The following TAF5L variants were observed in gnomAD, a reference collection of about 807,000 sequenced individuals.
TAF5L encodes TATA-box binding protein associated factor 5 like.
A neutral mutation model predicts 51.3 loss-of-function variants in TAF5L; 7 were observed. The ratio of observed to expected loss-of-function variants is 0.14; its 90% CI spans 0.08 to 0.26. The LOEUF (loss-of-function observed/expected upper bound fraction) is 0.26, where lower values mean the gene tolerates loss of function less well. TAF5L is among the 10% of genes least tolerant of loss of function. The probability of loss-of-function intolerance (pLI) is 1.00; values close to 1 mark genes in which losing one functional copy is unlikely to be tolerated. For synonymous variants in TAF5L, 291 were observed against 308.1 expected, an observed-to-expected ratio of 0.94 and a Z score of 0.58; for missense variants, 575 against 758.9, an observed-to-expected ratio of 0.76 and a Z score of 2.85.
chr1:229,613,718 T>TGG (rs1664873032), intron 2 of TAF5L, among the ~76,000 whole-genome samples: 2 of 152,238 alleles, frequency 1.3e-5, no homozygotes, highest in East Asian at 3.8e-4. Context: ...CCGTGGATTT[T>TGG]GGTATTCATG....
intron 2 of TAF5L, among the ~76,000 whole-genome samples, chr1:229,612,396 G>A (rs921783635): frequency 6.6e-5 from 10 of 152,136 alleles, no homozygotes; most frequent in Admixed American, 6.5e-4. Context: ...AAGGATGCAG[G>A]GCAGCAGATT....
At chr1:229,624,993 C>G (rs1665380957) in intron 1 of TAF5L, among the ~76,000 whole-genome samples, 1 of 152,150 alleles carries the variant, frequency 6.6e-6, no homozygotes, top group Non-Finnish European at 1.5e-5. Flanking sequence ...TCCGAGATTC[C>G]AATCTGCAAG....
intron 3 of TAF5L, chr1:229,606,943 T>C: frequency 1.0e-6 from 1 of 985,456 alleles, no homozygotes; most frequent in Non-Finnish European, 1.2e-6. Flanking sequence ...CCTAGTATCT[T>C]CCTTTGAGAT....
chr1:229,612,698 C>G (rs946960704), intron 2 of TAF5L, among the ~76,000 whole-genome samples: 1 of 152,194 alleles, frequency 6.6e-6, no homozygotes, highest in African/African-American at 2.4e-5. Context: ...ACTGTCCTAG[C>G]ACTCTCTTCC....
intron 3 of TAF5L, among the ~76,000 whole-genome samples, chr1:229,608,888 C>T (rs2102754923): frequency 6.6e-6 from 1 of 152,190 alleles, no homozygotes; most frequent in East Asian, 1.9e-4. Flanking sequence ...CTTGTGGTCC[C>T]AGCTACTCAG....
intron 1 of TAF5L, among the ~76,000 whole-genome samples, chr1:229,622,542 C>T (rs534982513): frequency 2.0e-5 from 3 of 151,866 alleles, no homozygotes; most frequent in East Asian, 1.9e-4. Flanking sequence ...TTTGAAATCA[C>T]GGGCAGATAG....
chr1:229,618,319 T>A (rs142040233), intron 1 of TAF5L, among the ~76,000 whole-genome samples: 16 of 152,358 alleles, frequency 1.1e-4, no homozygotes, highest in African/African-American at 3.4e-4. Context: ...TCAATTTATA[T>A]AAAATACTTA....
rs1467295898 is a variant in TAF5L at position 229,602,939 on chromosome 1, A to C, written c.248-20T>G. 5.7e-6 allele frequency: 9 copies of C among 1,566,530 alleles called. No individual in the cohort carries two copies. Among genetic ancestry groups the C allele is most frequent in the Admixed American group, 1.8e-5 (1 of 54,142 alleles). On this transcript the variant is annotated intron_variant, in intron 3 of 4. Transcript: ENST00000258281. The surrounding 1 kb of genome is among the most constrained non-coding windows in gnomAD (Gnocchi z 4.6). ...CAGAATCTATAATGAAAGAAAAAGA[A>C]GGCTTTATAATCAGCATAATCTTAC...
chr1:229,604,173 ATT>A (rs4006085), intron 3 of TAF5L, among the ~76,000 whole-genome samples: 7 of 144,922 alleles, frequency 4.8e-5, no homozygotes, highest in African/African-American at 7.7e-5. Context: ...TTCTGGTAGC[ATT>A]TTTTTTTTTT....
chr1:229,617,055 A>G (rs568516863), intron 1 of TAF5L, among the ~76,000 whole-genome samples: 1 of 152,254 alleles, frequency 6.6e-6, no homozygotes, highest in South Asian at 2.1e-4. Context: ...CTCTCACTGT[A>G]TTGATGACTT....
rs762610702 is a variant in TAF5L at position 229,610,098 on chromosome 1, G to C, written c.247+8C>G. 6.1e-5 allele frequency: 98 copies of C among 1,612,896 alleles called. No individual in the cohort carries two copies. The highest frequency in any genetic ancestry group is 7.5e-5 in the Non-Finnish European group (88 of 1,179,052). ...TAAAAAGAAAAGGTTCTAGAGCTGAGTACTTACCAGTGAGAAAATTCCGCA... is the reference window on the plus strand; with the variant it reads ...TAAAAAGAAAAGGTTCTAGAGCTGACTACTTACCAGTGAGAAAATTCCGCA... On this transcript the variant is annotated splice_region_variant and intron_variant, in intron 3 of 4. Coordinates refer to ENST00000258281, the Ensembl canonical transcript of TAF5L.
chr1:229,624,494 A>C (rs1271723905), intron 1 of TAF5L, among the ~76,000 whole-genome samples: 1 of 152,146 alleles, frequency 6.6e-6, no homozygotes, highest in African/African-American at 2.4e-5. Context: ...ATTTTCATAC[A>C]CATCATTCTT....
chr1:229,608,655 C>T (rs1394146169), intron 3 of TAF5L, among the ~76,000 whole-genome samples: 12 of 152,148 alleles, frequency 7.9e-5, no homozygotes, highest in Non-Finnish European at 4.4e-5. Flanking sequence ...ATATTAATCT[C>T]TCCATGACAG....
chr1:229,613,989 G>A (rs146497507), intron 2 of TAF5L, among the ~76,000 whole-genome samples: 22 of 152,308 alleles, frequency 1.4e-4, no homozygotes, highest in African/African-American at 5.3e-4. Context: ...TGTGCAAGAA[G>A]GGGACAGAGG....
At chr1:229,622,268 G>T (rs1665239166) in intron 1 of TAF5L, among the ~76,000 whole-genome samples, 2 of 151,986 alleles carry the variant, frequency 1.3e-5, no homozygotes, top group Non-Finnish European at 2.9e-5. Flanking sequence ...ACCAGCTGAG[G>T]TTGCTCCAGT....
At chr1:229,608,035 G>T (rs375091097) in intron 3 of TAF5L, among the ~76,000 whole-genome samples, 1 of 152,288 alleles carries the variant, frequency 6.6e-6, no homozygotes, top group Middle Eastern at 3.4e-3. Context: ...GAAATGTAAA[G>T]TTCTGGCCAA....
chr1:229,618,213 G>C (rs1038706672), intron 1 of TAF5L, among the ~76,000 whole-genome samples: 1 of 152,080 alleles, frequency 6.6e-6, no homozygotes, highest in Non-Finnish European at 1.5e-5. Flanking sequence ...TTCGTTACCT[G>C]CCTAGCTTTT....
At chr1:229,612,383 C>G (rs1052724328) in intron 2 of TAF5L, among the ~76,000 whole-genome samples, 2 of 152,166 alleles carry the variant, frequency 1.3e-5, no homozygotes, top group African/African-American at 2.4e-5. Context: ...CTCTCTGGTT[C>G]CAAAGGATGC....
intron 2 of TAF5L, among the ~76,000 whole-genome samples, chr1:229,610,933 A>G (rs2102757199): frequency 6.6e-6 from 1 of 152,260 alleles, no homozygotes; most frequent in Middle Eastern, 3.4e-3. Context: ...AAAACAAGGT[A>G]TTTTTGAAGT....
Sources: allele counts gnomAD v4.1 joint callset (sites outside exome capture counted in the v4.1 genomes callset), GRCh38; gene constraint gnomAD v4.1.1; non-coding constraint Gnocchi (gnomAD v3.1); transcripts MANE v1.5; gene names NCBI Gene and HGNC (gene_info 2026-07-23, HGNC 2026-07-21).